Variants in NXN observed in about 807,000 individuals in gnomAD.
The protein encoded by NXN is nucleoredoxin, also known as nucleoredoxin 1.
In NXN, 16 loss-of-function variants were observed where a neutral mutation model predicts 48.6. That is an observed-to-expected ratio of 0.33 (90% CI 0.22 to 0.50). NXN has a LOEUF of 0.50. Ranked by LOEUF, NXN falls within the 20% of genes least tolerant of loss-of-function variation. NXN has a pLI of 0.98. For synonymous variants in NXN, 281 were observed against 269.6 expected (o/e 1.04, Z -0.41); for missense variants, 492 against 605.5 (o/e 0.81, Z 1.97).
At chr17:944,542 T>C (rs936462296) in intron 1 of NXN, among the ~76,000 whole-genome samples, 1 of 152,214 alleles carries the variant, frequency 6.6e-6, no homozygotes, top group Admixed American at 6.5e-5. Context: ...GTAAGGTAGA[T>C]TCTGTTTGTT....
At chr17:902,542 C>G (rs1470530868) in intron 1 of NXN, among the ~76,000 whole-genome samples, 1 of 152,158 alleles carries the variant, frequency 6.6e-6, no homozygotes, top group African/African-American at 2.4e-5. Flanking sequence ...GCAGAGAAAG[C>G]TTTTTAAAGG....
At chr17:909,048 G>C (rs920417152) in intron 1 of NXN, among the ~76,000 whole-genome samples, 2 of 139,896 alleles carry the variant, frequency 1.4e-5, no homozygotes, top group African/African-American at 5.4e-5. Context: ...GCAGTGAGTC[G>C]AGATCACACC....
At chr17:838,937 C>T (rs1017878701) in intron 1 of NXN, among the ~76,000 whole-genome samples, 15 of 152,196 alleles carry the variant, frequency 9.9e-5, no homozygotes, top group South Asian at 6.2e-4. Flanking sequence ...ATAGATCAAA[C>T]GGTGGAGAAT....
intron 1 of NXN, among the ~76,000 whole-genome samples, chr17:835,705 A>G (rs1913775450): frequency 7.6e-6 from 1 of 131,750 alleles, no homozygotes; most frequent in African/African-American, 3.1e-5. Flanking sequence ...GGGATTCGTC[A>G]GCCTCATAGA....
intron 1 of NXN, among the ~76,000 whole-genome samples, chr17:907,376 G>A (rs563680072): frequency 1.3e-5 from 2 of 150,434 alleles, no homozygotes; most frequent in Middle Eastern, 3.4e-3. Flanking sequence ...GTCTCACTCG[G>A]TCACTCAAGC....
rs935372112 is a variant in NXN at position 825,791 on chromosome 17, T to C, written c.478+170A>G. ...GATCCCTGTGAAAATCTTAAAACCA[T>C]GTCCTAGGGAATACTATGATTTCAC... On this transcript the variant is annotated intron_variant, in intron 2 of 7. Transcript: ENST00000336868. The surrounding 1 kb of genome is among the most constrained non-coding windows in gnomAD (Gnocchi z 4.1). 13 of 587,088 alleles carry C rather than the reference T, an allele frequency of 2.2e-5. No individual in the cohort carries two copies. Among genetic ancestry groups the C allele is most frequent in the African/African-American group, 9.4e-5 (5 of 53,052 alleles). The allele number at this position is 587,088 out of a possible 1,614,324, so 36.4% of individuals were successfully genotyped here. A position where few individuals can be genotyped will look rare whatever the true frequency, so the allele number is the denominator to read the frequency against.
chr17:822,761 A>T lies in NXN; in HGVS notation c.613-304T>A, dbSNP rs964792244. Among the ~76,000 whole-genome samples the T allele has an allele frequency of 1.9e-4, 29 of 152,182 alleles. No individual in the cohort carries two copies. The South Asian group carries it at 2.5e-3, about 13-fold the overall frequency. On this transcript the variant is annotated intron_variant, in intron 3 of 7. Coordinates refer to ENST00000336868, the MANE Select transcript of NXN (RefSeq NM_022463.5). ...TGGCACAAGCACCCGCATTGTCCCTATGCAGTGTGTGAGCAGGTAGCATGA... is the reference window on the plus strand; with the variant it reads ...TGGCACAAGCACCCGCATTGTCCCTTTGCAGTGTGTGAGCAGGTAGCATGA...
intron 1 of NXN, among the ~76,000 whole-genome samples, chr17:851,004 A>G (rs1262929780): frequency 6.6e-6 from 1 of 152,216 alleles, no homozygotes; most frequent in Admixed American, 6.5e-5. Flanking sequence ...TGCTTAGGAA[A>G]CTTAAAACTG....
At chr17:810,118 C>T (rs1416302659) in intron 5 of NXN, among the ~76,000 whole-genome samples, 9 of 57,254 alleles carry the variant, frequency 1.6e-4, no homozygotes, top group South Asian at 1.3e-3. Flanking sequence ...GTTACGAGTC[C>T]GTGTGAGTGG....
chr17:891,817 A>AATCCAACAGGG (rs2068422146), intron 1 of NXN, among the ~76,000 whole-genome samples: 1 of 122,784 alleles, frequency 8.1e-6, no homozygotes, highest in Non-Finnish European at 1.9e-5. Context: ...CACCATGCAC[A>AATCCAACAGGG]ACCCAACAAG....
chr17:965,745 G>A (rs1413737936), intron 1 of NXN, among the ~76,000 whole-genome samples: 1 of 152,162 alleles, frequency 6.6e-6, no homozygotes, highest in Admixed American at 6.6e-5. Context: ...ACAGAGCTAA[G>A]AAGGGGCTTT....
intron 1 of NXN, among the ~76,000 whole-genome samples, chr17:934,986 T>TA (rs983309910): frequency 8.6e-5 from 13 of 151,778 alleles, no homozygotes; most frequent in East Asian, 3.9e-4. Context: ...CTTTATTTTT[T>TA]TTTATTTATT....
intron 1 of NXN, among the ~76,000 whole-genome samples, chr17:834,770 C>A (rs1010299821): frequency 6.6e-6 from 1 of 151,894 alleles, no homozygotes; most frequent in African/African-American, 2.4e-5. Flanking sequence ...ATCTGCCCGC[C>A]TTGGCCTCCC....
intron 1 of NXN, among the ~76,000 whole-genome samples, chr17:899,255 G>A (rs1024521868): frequency 2.0e-5 from 3 of 152,174 alleles, no homozygotes; most frequent in East Asian, 1.9e-4. Flanking sequence ...ACCGCACCCC[G>A]GCCTGTGCAT....
intron 1 of NXN, among the ~76,000 whole-genome samples, chr17:877,280 G>A (rs184614970): frequency 8.6e-5 from 13 of 151,854 alleles, no homozygotes; most frequent in East Asian, 4.0e-4. Context: ...CCTGGTAGCT[G>A]AGACTACTGG....
chr17:842,958 AAGAAAGAGAGAAAGAG>A lies in NXN; in HGVS notation c.361-16896_361-16881del, dbSNP rs1263592986. Among the ~76,000 whole-genome samples the A allele has an allele frequency of 4.4e-3, 594 of 136,394 alleles. 1 individual carries two copies. The highest frequency in any genetic ancestry group is 6.8e-3 in the Non-Finnish European group (430 of 62,868). 89.5% of individuals were successfully genotyped at this position (136,394 alleles called of 152,430 possible). The stretch of plus-strand genomic sequence containing the variant: ...CCGTCTCAAAAAAAGAAAGGAAAGA[AAGAAAGAGAGAAAGAG>A]AGAAAGAGAGAAAGAGAGAAAGAGA... On this transcript the variant is annotated intron_variant, in intron 1 of 7. Coordinates refer to ENST00000336868, the MANE Select transcript of NXN (RefSeq NM_022463.5).
At chr17:940,841 T>C (rs1405279479) in intron 1 of NXN, among the ~76,000 whole-genome samples, 1 of 150,260 alleles carries the variant, frequency 6.7e-6, no homozygotes, top group Non-Finnish European at 1.5e-5. Flanking sequence ...CCTTCCTGGA[T>C]TTACAGTGAA....
intron 1 of NXN, among the ~76,000 whole-genome samples, chr17:895,210 C>T (rs62068450): frequency 0.95 from 142,798 of 149,842 alleles, 68,187 homozygotes; most frequent in African/African-American, 0.99. Flanking sequence ...AGAGACGGGG[C>T]TTCACCATGT....
In NXN at chr17:937,235, C is replaced by A. The variant is rs143401282; in HGVS notation, c.360+42084G>T. On this transcript the variant is annotated intron_variant, in intron 1 of 7. Transcript: ENST00000336868. ...CTGAGCTCGGGTGATCCGCCCGCCT[C>A]GGCCTCCCAAGGTGCTGGGTGCATT... 7.1e-3 allele frequency among the ~76,000 whole-genome samples: 1,084 copies of A among 152,138 alleles called. 14 individuals carry two copies. Among genetic ancestry groups the A allele is most frequent in the East Asian group, 0.046 (235 of 5,148 alleles).
Sources: gnomAD v4.1 joint callset for allele counts (sites outside exome capture counted in the v4.1 genomes callset) on GRCh38, gnomAD v4.1.1 for gene constraint, Gnocchi (gnomAD v3.1) non-coding constraint, MANE v1.5 for transcripts, NCBI Gene and HGNC (gene_info 2026-07-23, HGNC 2026-07-21) for gene names.